The following B3GALT1 variants were observed in gnomAD, a reference collection of about 807,000 sequenced individuals.
B3GALT1 encodes the protein beta-1,3-galactosyltransferase 1.
In B3GALT1, 10 loss-of-function variants were observed where a neutral mutation model predicts 23.2. The observed-to-expected ratio is 0.43, with a 90% CI of 0.27 to 0.73. The LOEUF is 0.73. Among genes scored for constraint, B3GALT1 ranks in the 30% least tolerant of loss-of-function variants. B3GALT1 has a pLI of 0.21. For synonymous variants in B3GALT1, 156 were observed against 141.5 expected, an observed-to-expected ratio of 1.10 and a Z score of -0.73; for missense variants, 299 against 405.4, an observed-to-expected ratio of 0.74 and a Z score of 2.25.
At chr2:167,424,289 C>G (rs532080368) in intron 1 of B3GALT1, among the ~76,000 whole-genome samples, 1 of 152,240 alleles carries the variant, frequency 6.6e-6, no homozygotes. Context: ...TGGGATAACT[C>G]TCATGCTACA....
chr2:167,625,918 T>C (rs994428), intron 2 of B3GALT1, among the ~76,000 whole-genome samples: 3,573 of 132,746 alleles, frequency 0.027, 200 homozygotes, highest in African/African-American at 0.096. Context: ...CCATCCTAGA[T>C]GACAGAAAAA....
chr2:167,836,703 G>A (rs906050897), intron 4 of B3GALT1, among the ~76,000 whole-genome samples: 34 of 152,240 alleles, frequency 2.2e-4, no homozygotes, highest in African/African-American at 7.9e-4. Context: ...CTCAAGAAGA[G>A]CAACTCCAAG....
chr2:167,725,105 T>C (rs1044489941), intron 3 of B3GALT1, among the ~76,000 whole-genome samples: 6 of 152,192 alleles, frequency 3.9e-5, no homozygotes, highest in Admixed American at 2.6e-4. Flanking sequence ...AGCAGGGGCA[T>C]TTTAGCCCAC....
chr2:167,811,798 A>G (rs144637531), intron 3 of B3GALT1, among the ~76,000 whole-genome samples: 3 of 152,328 alleles, frequency 2.0e-5, no homozygotes, highest in Admixed American at 2.0e-4. Flanking sequence ...CTGGATATAT[A>G]ATTCCTGGAT....
In B3GALT1 at chr2:167,861,012, G is replaced by A. The variant is rs114526747; in HGVS notation, c.-229-7799G>A. On this transcript the variant is annotated intron_variant, in intron 4 of 4. Coordinates refer to ENST00000392690, the MANE Select transcript of B3GALT1 (RefSeq NM_020981.4). ...CCCAAGAAATTACTTGCTCAAATCA[G>A]GAAAATTAAAATGTAAAGGAGTGAA... Among the ~76,000 whole-genome samples the A allele has an allele frequency of 3.4e-3, 512 of 152,094 alleles. 6 individuals carry two copies. Among genetic ancestry groups the A allele is most frequent in the African/African-American group, 0.012 (492 of 41,490 alleles).
At chr2:167,778,477 T>C (rs779995977) in intron 3 of B3GALT1, among the ~76,000 whole-genome samples, 4 of 152,204 alleles carry the variant, frequency 2.6e-5, no homozygotes, top group Non-Finnish European at 4.4e-5. Flanking sequence ...AATCAATGCA[T>C]AAACTATGTA....
At chr2:167,673,227 A>G (rs143391399) in intron 3 of B3GALT1, among the ~76,000 whole-genome samples, 104 of 152,216 alleles carry the variant, frequency 6.8e-4, no homozygotes, top group African/African-American at 2.3e-3. Context: ...ATGAGAGGGA[A>G]ACAGGAAAGT....
chr2:167,851,075 G>A (rs1433758457), intron 4 of B3GALT1, among the ~76,000 whole-genome samples: 2 of 152,036 alleles, frequency 1.3e-5, no homozygotes, highest in Non-Finnish European at 2.9e-5. Context: ...AGGATTATGG[G>A]TGATTTTTAT....
intron 3 of B3GALT1, among the ~76,000 whole-genome samples, chr2:167,719,312 G>A (rs1352898908): frequency 1.3e-5 from 2 of 152,124 alleles, no homozygotes; most frequent in Non-Finnish European, 2.9e-5. Flanking sequence ...TACCTTTTTA[G>A]TTATGAATTT....
At chr2:167,428,785 C>G (rs1021507254) in intron 1 of B3GALT1, among the ~76,000 whole-genome samples, 1 of 152,066 alleles carries the variant, frequency 6.6e-6, no homozygotes, top group African/African-American at 2.4e-5. Flanking sequence ...ATGGCTGCTC[C>G]TTAGAGTATT....
At chr2:167,482,360 T>G (rs1290655351) in intron 1 of B3GALT1, among the ~76,000 whole-genome samples, 1 of 152,198 alleles carries the variant, frequency 6.6e-6, no homozygotes, top group Admixed American at 6.5e-5. Context: ...GTACATGATC[T>G]GATGGGAAGT....
At chr2:167,588,538 C>T (rs13398335) in intron 2 of B3GALT1, among the ~76,000 whole-genome samples, 10 of 151,866 alleles carry the variant, frequency 6.6e-5, no homozygotes, top group Non-Finnish European at 1.2e-4. Flanking sequence ...CACACTCATA[C>T]GAACAATGGT....
chr2:167,682,498 C>G (rs1360875702), intron 3 of B3GALT1, among the ~76,000 whole-genome samples: 1 of 152,206 alleles, frequency 6.6e-6, no homozygotes. Flanking sequence ...TTATCCCCCT[C>G]TCTTGCTTAA....
At chr2:167,359,416 TA>T (rs1350896107) in intron 1 of B3GALT1, among the ~76,000 whole-genome samples, 2 of 152,222 alleles carry the variant, frequency 1.3e-5, no homozygotes, top group Non-Finnish European at 2.9e-5. Context: ...GCAGTAATTC[TA>T]AAATTTTAGG....
chr2:167,704,356 A>G (rs1047392487), intron 3 of B3GALT1, among the ~76,000 whole-genome samples: 1 of 152,202 alleles, frequency 6.6e-6, no homozygotes, highest in Non-Finnish European at 1.5e-5. Context: ...ACCGAATAAT[A>G]TTCAAACAAT....
At chr2:167,770,197 T>C (rs1597243) in intron 3 of B3GALT1, among the ~76,000 whole-genome samples, 21,784 of 152,174 alleles carry the variant, frequency 0.14, 1,780 homozygotes, top group East Asian at 0.34. Context: ...GCCTTGAACT[T>C]CTGGGTTCAA....
chr2:167,633,803 A>T (rs924912202), intron 2 of B3GALT1, among the ~76,000 whole-genome samples: 2 of 152,132 alleles, frequency 1.3e-5, no homozygotes, highest in Non-Finnish European at 2.9e-5. Context: ...GAAAATTAAC[A>T]AGGATATTCA....
chr2:167,530,276 A>G (rs147742764), intron 2 of B3GALT1, among the ~76,000 whole-genome samples: 4 of 152,230 alleles, frequency 2.6e-5, no homozygotes, highest in African/African-American at 9.6e-5. Flanking sequence ...TCTTCTCTAA[A>G]TCTATTTTTG....
intron 1 of B3GALT1, among the ~76,000 whole-genome samples, chr2:167,354,362 T>C (rs1298007777): frequency 1.3e-5 from 2 of 151,066 alleles, no homozygotes; most frequent in African/African-American, 2.4e-5. Flanking sequence ...TTTTTTTTTT[T>C]TTTGAGATGG....
Sources: allele counts gnomAD v4.1 joint callset (sites outside exome capture counted in the v4.1 genomes callset), GRCh38; gene constraint gnomAD v4.1.1; transcripts MANE v1.5; gene names NCBI Gene and HGNC (gene_info 2026-07-23, HGNC 2026-07-21).